GBA1: variants seen among roughly 807,000 people sequenced by gnomAD.
GBA1 encodes glucosylceramidase beta 1.
chr1:155,244,126 G>C, the GBA1 span: 1 of 152,302 alleles, frequency 6.6e-6, no homozygotes, highest in Non-Finnish European at 1.5e-5. Context: ...TTGGCCGGGC[G>C]CGGTGGCTCA....
chr1:155,238,677 G>A, the GBA1 span: 1 of 1,613,568 alleles, frequency 6.2e-7, no homozygotes, highest in Non-Finnish European at 8.5e-7. Context: ...TCAAGATATG[G>A]TAGTCCGAGT....
At chr1:155,240,630 C>T in the GBA1 span, 1 of 1,613,098 alleles carries the variant, frequency 6.2e-7, no homozygotes, top group Non-Finnish European at 8.5e-7. Flanking sequence ...ACTCACTCAC[C>T]TGATGCCCAC....
At chr1:155,238,310 G>C in the GBA1 span, 1 of 1,570,050 alleles carries the variant, frequency 6.4e-7, no homozygotes, top group African/African-American at 1.4e-5. Context: ...GGGGTATCTA[G>C]AGACAAAGGT....
the GBA1 span, among the ~76,000 whole-genome samples, chr1:155,236,631 G>A: frequency 2.0e-5 from 3 of 151,850 alleles, no homozygotes; most frequent in African/African-American, 4.8e-5. Flanking sequence ...TCTGTCACTC[G>A]GGCTGGAGTA....
At chr1:155,239,490 C>T in the GBA1 span, 4 of 1,015,302 alleles carry the variant, frequency 3.9e-6, no homozygotes, top group South Asian at 5.5e-5. Context: ...GAGATCACAC[C>T]ACTGCACTCC....
the GBA1 span, among the ~76,000 whole-genome samples, chr1:155,242,109 A>G: frequency 2.0e-5 from 3 of 152,342 alleles, no homozygotes; most frequent in East Asian, 5.8e-4. Flanking sequence ...CCTTGCCTGG[A>G]AAATGGAGGC....
the GBA1 span, chr1:155,236,078 C>A: frequency 1.6e-5 from 12 of 766,464 alleles, no homozygotes; most frequent in South Asian, 1.6e-4. Context: ...ATGAGGTGTG[C>A]AGACCTGTGA....
At chr1:155,236,573 T>C in the GBA1 span, 1 of 924,920 alleles carries the variant, frequency 1.1e-6, no homozygotes, top group Non-Finnish European at 1.7e-6. Flanking sequence ...AGAATGCAAC[T>C]AGAGAGGTTT....
chr1:155,241,066 T>C, the GBA1 span: 2 of 1,609,550 alleles, frequency 1.2e-6, no homozygotes, highest in African/African-American at 1.3e-5. Flanking sequence ...ACAATGCTGA[T>C]TGGGAGCTCT....
chr1:155,235,722 C>G, the GBA1 span: 32 of 1,613,170 alleles, frequency 2.0e-5, no homozygotes, highest in Admixed American at 3.5e-4. Context: ...GTTTGTAAAA[C>G]GTGTCCTTGG....
At chr1:155,235,027 A>T in the GBA1 span, 3 of 923,726 alleles carry the variant, frequency 3.2e-6, no homozygotes, top group Non-Finnish European at 4.9e-6. Flanking sequence ...GTGTGAATGG[A>T]GTAGCCAGGT....
At chr1:155,239,867 T>C in the GBA1 span, 1 of 1,612,788 alleles carries the variant, frequency 6.2e-7, no homozygotes, top group Non-Finnish European at 8.5e-7. Context: ...GCCCAGGGGG[T>C]GAGGGGTGTA....
chr1:155,236,567 T>C, the GBA1 span: 1 of 964,572 alleles, frequency 1.0e-6, no homozygotes, highest in Non-Finnish European at 1.6e-6. Flanking sequence ...ACGGGAAGAA[T>C]GCAACTAGAG....
the GBA1 span, chr1:155,237,729 C>A: frequency 6.7e-7 from 1 of 1,502,358 alleles, no homozygotes; most frequent in Non-Finnish European, 9.0e-7. Flanking sequence ...TGGCGAAACC[C>A]CGTCTCTACT....
the GBA1 span, chr1:155,236,131 A>T: frequency 7.1e-6 from 7 of 979,506 alleles, no homozygotes; most frequent in African/African-American, 1.1e-4. Flanking sequence ...AGAGTTGCTC[A>T]AAAGGGCAGG....
the GBA1 span, chr1:155,237,658 C>T: frequency 2.1e-5 from 33 of 1,588,496 alleles, no homozygotes; most frequent in Admixed American, 1.8e-5. Context: ...CACCTGTAAT[C>T]CCAGCACTTT....
chr1:155,238,727 C>G, the GBA1 span: 1 of 1,608,424 alleles, frequency 6.2e-7, no homozygotes. Context: ...ACTTGCCAGT[C>G]CTAATAGTGT....
At chr1:155,241,182 T>G in the GBA1 span, 1 of 1,498,882 alleles carries the variant, frequency 6.7e-7, no homozygotes, top group Non-Finnish European at 9.3e-7. Flanking sequence ...GAGGATCCAC[T>G]AAACAAAAAC....
chr1:155,239,836 C>T, the GBA1 span: 8 of 1,613,936 alleles, frequency 5.0e-6, no homozygotes, highest in Non-Finnish European at 5.9e-6. Flanking sequence ...ACACCATTTA[C>T]CTCTAGGAGG....
Sources: gnomAD v4.1 joint callset for allele counts (sites outside exome capture counted in the v4.1 genomes callset) on GRCh38, gnomAD v4.1.1 for gene constraint, MANE v1.5 for transcripts, NCBI Gene and HGNC (gene_info 2026-07-23, HGNC 2026-07-21) for gene names.